Variants in ARID2 observed in about 807,000 individuals in gnomAD.
ARID2 encodes the protein AT-rich interaction domain 2.
In ARID2, 32 loss-of-function variants were observed where a neutral mutation model predicts 184.6. That is an observed-to-expected ratio of 0.17 (90% CI 0.13 to 0.23). ARID2 has a LOEUF of 0.23. ARID2 is among the 10% of genes least tolerant of loss of function. The pLI, the probability that ARID2 is intolerant of heterozygous loss-of-function variation, is 1.00. For synonymous variants in ARID2, 836 were observed against 772.6 expected (o/e 1.08, Z -1.36); for missense variants, 1,696 against 2,197.6 (o/e 0.77, Z 4.56).
At chr12:45,787,245 T>A (rs1943223728) in intron 3 of ARID2, among the ~76,000 whole-genome samples, 1 of 149,714 alleles carries the variant, frequency 6.7e-6, no homozygotes, top group Non-Finnish European at 1.5e-5. Context: ...AAAGACAGGG[T>A]CTCCCTCTGT....
intron 3 of ARID2, among the ~76,000 whole-genome samples, chr12:45,804,709 A>G (rs534977512): frequency 2.6e-5 from 4 of 152,244 alleles, no homozygotes; most frequent in African/African-American, 7.2e-5. Flanking sequence ...ATTGTGAAAT[A>G]TATCATGCAC....
Position 45,729,914 on chromosome 12 carries a change from C to G in ARID2, c.78C>G (p.Phe26Leu). 1 of 1,609,388 alleles carries G rather than the reference C, an allele frequency of 6.2e-7. No individual in the cohort carries two copies. The highest frequency in any genetic ancestry group is 8.5e-7 in the Non-Finnish European group (1 of 1,178,124). The change falls in exon 1 of 21, where the codon TTC becomes TTG. Residue 26 changes from phenylalanine (F) to leucine (L), a missense_variant. Physicochemically the swap from Phe to Leu is conservative, Grantham distance 22. This residue lies in a region of ARID2 where 54 missense variants were observed against 59.9 expected (regional missense o/e 0.90). Coordinates refer to ENST00000334344, the MANE Select transcript of ARID2 (RefSeq NM_152641.4). ...GLAFLDELRQFHHSRGSPFKK... is the reference protein window; with the variant it reads ...GLAFLDELRQLHHSRGSPFKK... ...CTTTCCTGGACGAGCTGCGGCAGTTCCACCACAGCAGAGGGTGAGAGCAGA... is the reference window on the plus strand; with the variant it reads ...CTTTCCTGGACGAGCTGCGGCAGTTGCACCACAGCAGAGGGTGAGAGCAGA...
intron 20 of ARID2, among the ~76,000 whole-genome samples, chr12:45,901,618 C>CTTTCCTTGTAACCAT (rs1944460452): frequency 1.3e-5 from 2 of 152,058 alleles, no homozygotes; most frequent in African/African-American, 4.8e-5. Context: ...TATGGTTACT[C>CTTTCCTTGTAACCAT]TTTCCTTGTA....
intron 16 of ARID2, among the ~76,000 whole-genome samples, chr12:45,886,860 G>A (rs374610219): frequency 1.3e-5 from 2 of 152,224 alleles, no homozygotes; most frequent in African/African-American, 4.8e-5. Context: ...AGGCAGCATG[G>A]GGGCCTGGGG....
intron 5 of ARID2, among the ~76,000 whole-genome samples, chr12:45,818,719 A>C (rs1942849543): frequency 6.6e-6 from 1 of 152,052 alleles, no homozygotes; most frequent in Non-Finnish European, 1.5e-5. Flanking sequence ...TTTTGTTTTT[A>C]TCTTTAGTGA....
chr12:45,798,470 A>C (rs1942433766), intron 3 of ARID2, among the ~76,000 whole-genome samples: 1 of 152,184 alleles, frequency 6.6e-6, no homozygotes, highest in Admixed American at 6.5e-5. Context: ...TTCCCTAAAA[A>C]TTCAAAATTT....
intron 3 of ARID2, among the ~76,000 whole-genome samples, chr12:45,778,213 A>AT (rs1942023585): frequency 1.3e-5 from 2 of 152,176 alleles, no homozygotes; most frequent in Admixed American, 6.5e-5. Flanking sequence ...CCAAAAAAAA[A>AT]AGAATGCTTA....
chr12:45,877,668 C>G (rs545505388), intron 16 of ARID2, among the ~76,000 whole-genome samples: 2 of 152,012 alleles, frequency 1.3e-5, no homozygotes, highest in African/African-American at 2.4e-5. Context: ...GGTTGGTGAC[C>G]GTTGCCTTAT....
intron 16 of ARID2, among the ~76,000 whole-genome samples, chr12:45,882,474 A>G (rs913709514): frequency 4.6e-4 from 70 of 152,256 alleles, no homozygotes; most frequent in South Asian, 4.1e-4. Context: ...TTTGTTTTCT[A>G]GAACAAAGGT....
chr12:45,846,678 TATG>T (rs144541526), intron 11 of ARID2, among the ~76,000 whole-genome samples, 175 bp from the exon 12 acceptor site: 1 of 152,282 alleles, frequency 6.6e-6, no homozygotes, highest in African/African-American at 2.4e-5. Context: ...CAGTGCCTGG[TATG>T]ATATGTGCTC....
chr12:45,813,276 A>T (rs1942744211), intron 4 of ARID2, among the ~76,000 whole-genome samples: 1 of 152,162 alleles, frequency 6.6e-6, no homozygotes, highest in South Asian at 2.1e-4. Context: ...GAAAAGGGGT[A>T]GAATTTCAGG....
intron 20 of ARID2, among the ~76,000 whole-genome samples, chr12:45,899,743 A>T (rs1318065307): frequency 2.1e-5 from 3 of 142,942 alleles, no homozygotes; most frequent in African/African-American, 5.2e-5. Context: ...ATATGGTTTT[A>T]TATATATATA....
intron 3 of ARID2, among the ~76,000 whole-genome samples, chr12:45,762,476 A>G (rs17096235): frequency 0.021 from 3,275 of 152,334 alleles, 129 homozygotes; most frequent in African/African-American, 0.075. Context: ...AATAATCTGC[A>G]TAAGAAAATT....
rs2138126215 is a variant in ARID2 at position 45,836,722 on chromosome 12, T to C, written c.773-19T>C. On this transcript the variant is annotated intron_variant, in intron 7 of 20. Coordinates refer to ENST00000334344, the MANE Select transcript of ARID2 (RefSeq NM_152641.4). ...TTAATAAATGAAATATTAAGTGAAA[T>C]ATGTATTTTCTATTGTAGAAGGTAC... The C allele has an allele frequency of 6.2e-7, 1 of 1,600,852 alleles. No homozygotes were observed. Among genetic ancestry groups the C allele is most frequent in the South Asian group, 1.1e-5 (1 of 88,942 alleles).
At chr12:45,839,736 A>G (rs1943303691) in intron 11 of ARID2, 2 of 366,922 alleles carry the variant, frequency 5.5e-6, no homozygotes, top group Non-Finnish European at 9.7e-6. Context: ...ATTTAGAGTA[A>G]TGTGATGAAT....
intron 3 of ARID2, among the ~76,000 whole-genome samples, chr12:45,793,235 G>T (rs1436191612): frequency 1.3e-5 from 2 of 151,912 alleles, no homozygotes; most frequent in African/African-American, 2.4e-5. Context: ...CGGAAGCAGA[G>T]GTTGCAGGGA....
At position 45,849,699 on chromosome 12, in the gene ARID2, A is replaced by G. The variant is rs537378282; in HGVS notation, c.1835A>G (p.Tyr612Cys). 10 of 1,613,960 alleles carry G rather than the reference A, an allele frequency of 6.2e-6. No homozygotes were observed. Among genetic ancestry groups the G allele is most frequent in the South Asian group, 4.4e-5 (4 of 91,072 alleles). The change falls in exon 14 of 21, where the codon TAT becomes TGT. Residue 612 changes from tyrosine to cysteine, a missense_variant. Tyr to Cys is a radical substitution (Grantham distance 194). Transcript: ENST00000334344. ...RAIPLPIQMY[Y>C]QQQPVSTSVV... ...ATACCACTTCCCATTCAGATGTACT[A>G]TCAGCAGCAACCAGTTTCTACTTCT...
intron 6 of ARID2, among the ~76,000 whole-genome samples, chr12:45,828,505 G>C (rs1247400902): frequency 1.3e-5 from 2 of 151,980 alleles, no homozygotes; most frequent in Non-Finnish European, 1.5e-5. Context: ...CTAGGTCATA[G>C]GGTATGCATA....
At chr12:45,828,653 T>G (rs1403405178) in intron 6 of ARID2, among the ~76,000 whole-genome samples, 2 of 152,098 alleles carry the variant, frequency 1.3e-5, no homozygotes, top group Non-Finnish European at 2.9e-5. Context: ...TCATTTTAAC[T>G]ATTACAGTGA....
Sources: gnomAD v4.1 joint callset for allele counts (sites outside exome capture counted in the v4.1 genomes callset) on GRCh38, gnomAD v4.1.1 for gene constraint, gnomAD v4.1.1 regional missense constraint, MANE v1.5 for transcripts, NCBI Gene and HGNC (gene_info 2026-07-23, HGNC 2026-07-21) for gene names.